ARMC1: variants seen among roughly 807,000 people sequenced by gnomAD.
ARMC1 encodes armadillo repeat containing 1.
A neutral mutation model predicts 31.4 loss-of-function variants in ARMC1; 16 were observed. The observed-to-expected ratio is 0.51, with a 90% CI of 0.34 to 0.77. ARMC1 has a LOEUF of 0.77. Among genes scored for constraint, ARMC1 ranks in the 30% least tolerant of loss-of-function variants. The probability of loss-of-function intolerance (pLI) is 0.01; values close to 1 mark genes in which losing one functional copy is unlikely to be tolerated. For missense variants in ARMC1, 259 were observed against 347.5 expected, an observed-to-expected ratio of 0.75 and a Z score of 2.02; for synonymous variants, 114 against 118.9, an observed-to-expected ratio of 0.96 and a Z score of 0.27.
intron 3 of ARMC1, among the ~76,000 whole-genome samples, chr8:65,618,446 C>A (rs1046520682): frequency 6.9e-6 from 1 of 145,264 alleles, no homozygotes; most frequent in Non-Finnish European, 1.5e-5. Context: ...GGCCTGAACC[C>A]GGGAGGCAGA....
In ARMC1 at chr8:65,627,307, C is replaced by T. The variant is rs1808532037; in HGVS notation, c.92G>A (p.Arg31Lys). ...TCCCTGATCCTGGACGATGGCTCTT[C>T]TGTTTAACGGATCTGCTGCTAGATC... Reference protein sequence around the residue: ...LRDLAADPLNRRAIVQDQGCL... With the variant: ...LRDLAADPLNKRAIVQDQGCL... Residue 31 changes from arginine (R) to lysine (K), a missense_variant, in exon 2 of 7, where the codon AGA (arginine) becomes AAA (lysine). Arg to Lys is a conservative substitution (Grantham distance 26, BLOSUM62 2). Transcript: ENST00000276569. 1.2e-6 allele frequency: 2 copies of T among 1,613,542 alleles called. No individual in the cohort carries two copies. Among genetic ancestry groups the T allele is most frequent in the East Asian group, 2.2e-5 (1 of 44,862 alleles).
At chr8:65,628,210 A>G (rs1040503539) in intron 1 of ARMC1, among the ~76,000 whole-genome samples, 2 of 151,972 alleles carry the variant, frequency 1.3e-5, no homozygotes, top group African/African-American at 4.8e-5. Context: ...TCCTAAACTC[A>G]TCAGCAGTCT....
intron 2 of ARMC1, among the ~76,000 whole-genome samples, chr8:65,626,460 T>G (rs1461014206): frequency 2.0e-5 from 3 of 149,094 alleles, no homozygotes; most frequent in African/African-American, 5.0e-5. Context: ...AAAAAAAAAT[T>G]TATTTATAAT....
At chr8:65,633,486 C>A (rs527744541) in intron 1 of ARMC1, among the ~76,000 whole-genome samples, 3 of 152,310 alleles carry the variant, frequency 2.0e-5, no homozygotes, top group South Asian at 4.1e-4. Flanking sequence ...GGACATCTGT[C>A]CTGCCAGGTG....
At chr8:65,623,324 A>AAAAAAAAAATT (rs1554541796) in intron 2 of ARMC1, among the ~76,000 whole-genome samples, 1 of 144,440 alleles carries the variant, frequency 6.9e-6, no homozygotes, top group Non-Finnish European at 1.5e-5. Flanking sequence ...AAAAAAAAAA[A>AAAAAAAAAATT]TGCTGGGCGC....
At chr8:65,617,791 A>G (rs1563416140) in intron 3 of ARMC1, among the ~76,000 whole-genome samples, 1 of 152,052 alleles carries the variant, frequency 6.6e-6, no homozygotes, top group East Asian at 1.9e-4. Context: ...CAATGTACCC[A>G]TGTAACAAAC....
chr8:65,623,504 G>A lies in ARMC1; in HGVS notation c.184-1150C>T, dbSNP rs60715207. Among the ~76,000 whole-genome samples, 1,461 of 150,864 alleles carry A rather than the reference G, an allele frequency of 9.7e-3. 24 individuals are homozygous for A. The highest frequency in any genetic ancestry group is 0.034 in the African/African-American group (1,389 of 41,052). On this transcript the variant is annotated intron_variant, in intron 2 of 6. Coordinates refer to ENST00000276569, the MANE Select transcript of ARMC1 (RefSeq NM_018120.6). Reference sequence around the variant, plus strand: ...CGCACCTGTAATCCCAGCTACTCGGGAGACTGAGGCAGGAGAATCGCTTGA... The same window carrying A: ...CGCACCTGTAATCCCAGCTACTCGGAAGACTGAGGCAGGAGAATCGCTTGA...
rs752481827 is a variant in ARMC1, at chr8:65,627,352, G to A, written c.47C>T (p.Ser16Leu). Residue 16 changes from serine to leucine, a missense_variant, in exon 2 of 7, where the codon TCG becomes TTG. This residue lies in a region of ARMC1 where 163 missense variants were observed against 186.7 expected (regional missense o/e 0.87). Coordinates refer to ENST00000276569, the MANE Select transcript of ARMC1 (RefSeq NM_018120.6). Reference sequence around the variant, plus strand: ...TAGATCCCGTAACTGGTTAACTACCGATAGAGCGTCAGGCTCTTCACTCAT... The same window carrying A: ...TAGATCCCGTAACTGGTTAACTACCAATAGAGCGTCAGGCTCTTCACTCAT... Reference protein sequence around the residue: ...STMSEEPDALSVVNQLRDLAA... With the variant: ...STMSEEPDALLVVNQLRDLAA... The A allele has an allele frequency of 1.9e-5, 30 of 1,611,708 alleles. No individual in the cohort carries two copies. Among genetic ancestry groups the A allele is most frequent in the Admixed American group, 5.0e-5 (3 of 59,632 alleles).
At chr8:65,622,117 G>A in intron 3 of ARMC1, 146 bp downstream of exon 3, 2 of 623,000 alleles carry the variant, frequency 3.2e-6, no homozygotes, top group East Asian at 5.5e-5. Flanking sequence ...TCCAATAATA[G>A]TAGTAATCAT....
At chr8:65,618,631 A>C (rs1808327804) in intron 3 of ARMC1, among the ~76,000 whole-genome samples, 2 of 151,050 alleles carry the variant, frequency 1.3e-5, no homozygotes, top group Non-Finnish European at 2.9e-5. Flanking sequence ...CAAACCATCC[A>C]TTTTCTAACA....
At chr8:65,625,943 C>G (rs1808502640) in intron 2 of ARMC1, among the ~76,000 whole-genome samples, 1 of 148,764 alleles carries the variant, frequency 6.7e-6, no homozygotes, top group East Asian at 2.0e-4. Context: ...GGCTCGAGTG[C>G]AATGGCACAA....
At chr8:65,606,766 A>G (rs7823840) in intron 4 of ARMC1, among the ~76,000 whole-genome samples, 52,024 of 152,090 alleles carry the variant, frequency 0.34, 9,406 homozygotes, top group East Asian at 0.47. Flanking sequence ...ACCTCAGAAG[A>G]CTATTCTCAT....
chr8:65,614,752 T>TA (rs1808215343), intron 3 of ARMC1, among the ~76,000 whole-genome samples: 1 of 152,212 alleles, frequency 6.6e-6, no homozygotes, highest in Non-Finnish European at 1.5e-5. Context: ...GAATGCTTTC[T>TA]ACCCTTAAGT....
At chr8:65,610,014 G>C (rs562357402) in intron 4 of ARMC1, among the ~76,000 whole-genome samples, 7 of 152,054 alleles carry the variant, frequency 4.6e-5, no homozygotes, top group African/African-American at 7.2e-5. Flanking sequence ...GTAACTTCAG[G>C]GGAACTTCCA....
intron 1 of ARMC1, among the ~76,000 whole-genome samples, chr8:65,629,170 G>C (rs1393795845): frequency 6.8e-6 from 1 of 148,056 alleles, no homozygotes; most frequent in African/African-American, 2.5e-5. Context: ...AAAAAAAAAA[G>C]AAAGAAAGAA....
chr8:65,612,431 G>A (rs139372845), intron 4 of ARMC1, among the ~76,000 whole-genome samples: 40 of 152,056 alleles, frequency 2.6e-4, no homozygotes, highest in African/African-American at 9.2e-4. Context: ...ACTCCAGCCT[G>A]GGCCACAGAA....
intron 3 of ARMC1, among the ~76,000 whole-genome samples, chr8:65,617,917 G>A (rs1365091375): frequency 1.3e-5 from 1 of 76,908 alleles, no homozygotes; most frequent in South Asian, 4.7e-4. Flanking sequence ...TCCTTTTTTC[G>A]GCGGGGGGGG....
At chr8:65,608,773 G>A (rs1808058712) in intron 4 of ARMC1, among the ~76,000 whole-genome samples, 2 of 151,934 alleles carry the variant, frequency 1.3e-5, no homozygotes, top group Non-Finnish European at 2.9e-5. Flanking sequence ...GCCGGGCATG[G>A]TGGTGGGCAT....
chr8:65,626,132 C>G (rs372634619), intron 2 of ARMC1, among the ~76,000 whole-genome samples: 1 of 152,076 alleles, frequency 6.6e-6, no homozygotes, highest in African/African-American at 2.4e-5. Flanking sequence ...CTCAGGTGAT[C>G]CACCCACCTC....
Sources: gnomAD v4.1 joint callset for allele counts (sites outside exome capture counted in the v4.1 genomes callset) on GRCh38, gnomAD v4.1.1 for gene constraint, gnomAD v4.1.1 regional missense constraint, MANE v1.5 for transcripts, NCBI Gene and HGNC (gene_info 2026-07-23, HGNC 2026-07-21) for gene names.